The following UBE2D2 variants were observed in gnomAD, a reference collection of about 807,000 sequenced individuals.
The protein encoded by UBE2D2 is ubiquitin-conjugating enzyme E2 D2.
In UBE2D2, 2 loss-of-function variants were observed where a neutral mutation model predicts 24.2. The ratio of observed to expected loss-of-function variants is 0.08; its 90% CI spans 0.03 to 0.26. The LOEUF (loss-of-function observed/expected upper bound fraction) is 0.26, where lower values mean the gene tolerates loss of function less well. UBE2D2 is among the 10% of genes least tolerant of loss of function. UBE2D2 has a pLI of 1.00. For missense variants in UBE2D2, 44 were observed against 177.6 expected, an observed-to-expected ratio of 0.25 and a Z score of 4.28; for synonymous variants, 58 against 56.5, an observed-to-expected ratio of 1.03 and a Z score of -0.12.
chr5:139,568,247 G>A (rs1403857869), intron 1 of UBE2D2, among the ~76,000 whole-genome samples: 1 of 152,106 alleles, frequency 6.6e-6, no homozygotes, highest in Non-Finnish European at 1.5e-5. Context: ...AGGAGGCTGA[G>A]GCAGGAGAGT....
intron 2 of UBE2D2, among the ~76,000 whole-genome samples, chr5:139,609,804 C>T (rs1204110846): frequency 7.0e-6 from 1 of 143,284 alleles, no homozygotes; most frequent in Admixed American, 7.1e-5. Flanking sequence ...TGGAGTCTCG[C>T]ACTGTTGCCC....
intron 1 of UBE2D2, among the ~76,000 whole-genome samples, chr5:139,554,733 A>G (rs1752958903): frequency 6.6e-6 from 1 of 152,004 alleles, no homozygotes; most frequent in Non-Finnish European, 1.5e-5. Flanking sequence ...GTTTAACTTA[A>G]TAAGAAATCA....
intron 1 of UBE2D2, among the ~76,000 whole-genome samples, chr5:139,581,117 TC>T (rs1481194056): frequency 6.6e-6 from 1 of 152,050 alleles, no homozygotes; most frequent in African/African-American, 2.4e-5. Flanking sequence ...GGCAGAGTGT[TC>T]CTATAGTCCT....
intron 1 of UBE2D2, among the ~76,000 whole-genome samples, chr5:139,542,390 A>C (rs1752771954): frequency 6.6e-6 from 1 of 152,076 alleles, no homozygotes; most frequent in African/African-American, 2.4e-5. Context: ...TTTTGTGGAG[A>C]TAGAGTCTCA....
At position 139,589,509 on chromosome 5, in the gene UBE2D2, G is replaced by A. The variant is rs117462841; in HGVS notation, c.25-10863G>A. Among the ~76,000 whole-genome samples, 12 of 152,160 alleles carry A rather than the reference G, an allele frequency of 7.9e-5. No homozygotes were observed. The East Asian group carries it at 1.4e-3, about 17-fold the overall frequency. On this transcript the variant is annotated intron_variant, in intron 1 of 6. Transcript: ENST00000398733. ...TGGGAGGTGGAGGTTGCAGTGAGCC[G>A]AGATCCTCCAGCCTGTGCGACAGTG...
chr5:139,556,161 G>C (rs991424020), intron 1 of UBE2D2, among the ~76,000 whole-genome samples: 1 of 151,904 alleles, frequency 6.6e-6, no homozygotes, highest in African/African-American at 2.4e-5. Context: ...ACTTGAGCTC[G>C]GGAGGTAGAG....
rs763870319 is a variant in UBE2D2, at chr5:139,591,071, A to T, written c.25-9301A>T. On this transcript the variant is annotated intron_variant, in intron 1 of 6. Transcript: ENST00000398733. ...CTCAACATCCCAAAGTGCTGGGATTACAGGTGTGAGCCACTGTGCCCAACC... is the reference window on the plus strand; with the variant it reads ...CTCAACATCCCAAAGTGCTGGGATTTCAGGTGTGAGCCACTGTGCCCAACC... Among the ~76,000 whole-genome samples the T allele has an allele frequency of 1.3e-4, 20 of 149,152 alleles. 1 individual carries two copies. The highest frequency in any genetic ancestry group is 2.4e-4 in the Non-Finnish European group (16 of 67,572).
upstream of UBE2D2, among the ~76,000 whole-genome samples, chr5:139,560,285 C>T (rs1049468860): frequency 3.3e-5 from 5 of 151,798 alleles, no homozygotes; most frequent in Non-Finnish European, 7.4e-5. Flanking sequence ...GCAACCTCCG[C>T]CTCCCGGATT....
chr5:139,528,107 C>T (rs958687332), intron 1 of UBE2D2, among the ~76,000 whole-genome samples: 3 of 152,256 alleles, frequency 2.0e-5, no homozygotes, highest in Non-Finnish European at 2.9e-5. Context: ...AAGTTCACTT[C>T]GTGTCTCTCA....
intron 2 of UBE2D2, among the ~76,000 whole-genome samples, chr5:139,609,673 G>A (rs188124823): frequency 2.3e-4 from 34 of 147,556 alleles, no homozygotes; most frequent in Middle Eastern, 3.6e-3. Context: ...ACCTGGCTGC[G>A]CATCTCTATT....
chr5:139,593,039 A>T (rs184739217), intron 1 of UBE2D2, among the ~76,000 whole-genome samples: 2,641 of 131,584 alleles, frequency 0.02, 39 homozygotes, highest in Non-Finnish European at 0.03. Context: ...TCTGTTACCC[A>T]GGCTGGAGTG....
intron 1 of UBE2D2, among the ~76,000 whole-genome samples, chr5:139,563,424 G>C (rs1372928579): frequency 6.6e-6 from 1 of 152,124 alleles, no homozygotes; most frequent in African/African-American, 2.4e-5. Context: ...CTTAAGCAAA[G>C]ATGTCTTAAA....
chr5:139,614,944 T>C lies in UBE2D2; in HGVS notation c.282T>C (p.Ser94=). The C allele has an allele frequency of 1.2e-6, 2 of 1,613,596 alleles. No individual in the cohort carries two copies. The highest frequency in any genetic ancestry group is 1.7e-6 in the Non-Finnish European group (2 of 1,179,842). The change falls in exon 5 of 7, where the codon TCT becomes TCC. Residue 94 remains serine, a synonymous_variant. Coordinates refer to ENST00000398733, the MANE Select transcript of UBE2D2 (RefSeq NM_003339.3). ...TTGATATTCTACGATCACAGTGGTCTCCAGCACTAACTATTTCAAAAGGTA... is the reference window on the plus strand; with the variant it reads ...TTGATATTCTACGATCACAGTGGTCCCCAGCACTAACTATTTCAAAAGGTA... ...ICLDILRSQW[S]PALTISKVLL...
Position 139,599,346 on chromosome 5 carries a change from C to T in UBE2D2, c.25-1026C>T, listed in dbSNP as rs139972363. Among the ~76,000 whole-genome samples, 241 of 152,184 alleles carry T rather than the reference C, an allele frequency of 1.6e-3. 1 individual carries two copies. The highest frequency in any genetic ancestry group is 5.2e-3 in the African/African-American group (218 of 41,548). On this transcript the variant is annotated intron_variant, in intron 1 of 6. Transcript: ENST00000398733. ...CAGTATAATTTTGGAACATTTATGA[C>T]TTTAGGAGCTTGTCCCAAGTGTAAC... is the stretch of plus-strand genomic sequence containing the variant.
intron 5 of UBE2D2, among the ~76,000 whole-genome samples, chr5:139,617,716 C>G (rs533695125): frequency 6.6e-6 from 1 of 152,264 alleles, no homozygotes; most frequent in South Asian, 2.1e-4. Flanking sequence ...GTTCAGATCT[C>G]AGATCCACCT....
intron 1 of UBE2D2, among the ~76,000 whole-genome samples, chr5:139,539,980 C>T (rs1302072671): frequency 2.6e-5 from 4 of 151,930 alleles, no homozygotes; most frequent in African/African-American, 9.7e-5. Context: ...AGTGCAATAG[C>T]ACAATCTCGG....
intron 1 of UBE2D2, among the ~76,000 whole-genome samples, chr5:139,540,886 C>T (rs527785215): frequency 1.3e-5 from 2 of 151,502 alleles, no homozygotes; most frequent in East Asian, 2.0e-4. Flanking sequence ...CCCAGCTACT[C>T]GGGAGGCTGA....
intron 1 of UBE2D2, among the ~76,000 whole-genome samples, chr5:139,536,388 G>C (rs1479549230): frequency 6.6e-6 from 1 of 151,086 alleles, no homozygotes; most frequent in South Asian, 2.1e-4. Context: ...TTTAGAGACA[G>C]AGTCTCACTC....
intron 1 of UBE2D2, among the ~76,000 whole-genome samples, chr5:139,553,256 G>T (rs954245196): frequency 5.3e-5 from 8 of 152,158 alleles, no homozygotes; most frequent in African/African-American, 1.9e-4. Context: ...TCAATAACAG[G>T]TTATTCAATA....
Sources: allele counts gnomAD v4.1 joint callset (sites outside exome capture counted in the v4.1 genomes callset), GRCh38; gene constraint gnomAD v4.1.1; transcripts MANE v1.5; gene names NCBI Gene and HGNC (gene_info 2026-07-23, HGNC 2026-07-21).